Variants in FHL2 observed in about 807,000 individuals in gnomAD.
The protein encoded by FHL2 is four and a half LIM domains 2.
FHL2 carries 20 observed loss-of-function variants against 32.7 expected under a neutral mutation model. The ratio of observed to expected loss-of-function variants is 0.61; its 90% CI spans 0.43 to 0.89. FHL2 has a LOEUF of 0.89. Among genes scored for constraint, FHL2 ranks in the 40% least tolerant of loss-of-function variants. FHL2 has a pLI of 0.00. For missense variants in FHL2, 311 were observed against 358.6 expected (o/e 0.87, Z 1.07); for synonymous variants, 123 against 128.1 (o/e 0.96, Z 0.27).
chr2:105,427,837 C>T (rs1197637033), intron 1 of FHL2, among the ~76,000 whole-genome samples: 1 of 152,174 alleles, frequency 6.6e-6, no homozygotes, highest in Non-Finnish European at 1.5e-5. Context: ...CGAGAACCAG[C>T]AGTTACACCT....
upstream of FHL2, chr2:105,399,445 CT>C: frequency 6.5e-7 from 1 of 1,536,198 alleles, no homozygotes; most frequent in Non-Finnish European, 8.7e-7. Flanking sequence ...GAGGGGGTCA[CT>C]TCTCAGGAGG....
intron 1 of FHL2, among the ~76,000 whole-genome samples, chr2:105,405,557 G>A (rs1283940327): frequency 1.3e-5 from 2 of 152,306 alleles, no homozygotes; most frequent in Non-Finnish European, 2.9e-5. Context: ...GATTACAGGC[G>A]TGAGCCACCA....
At chr2:105,405,378 G>A (rs1485154900) in intron 1 of FHL2, among the ~76,000 whole-genome samples, 1 of 152,026 alleles carries the variant, frequency 6.6e-6, no homozygotes, top group African/African-American at 2.4e-5. Flanking sequence ...TTCTGAAATG[G>A]GGGAGTCTCA....
intron 1 of FHL2, among the ~76,000 whole-genome samples, chr2:105,428,761 C>T (rs34651515): frequency 0.04 from 6,079 of 152,258 alleles, 187 homozygotes; most frequent in East Asian, 0.14. Context: ...TGAGCTAGGC[C>T]GCCTCAGCTC....
intron 1 of FHL2, among the ~76,000 whole-genome samples, chr2:105,425,004 A>G: frequency 6.6e-6 from 1 of 151,996 alleles, no homozygotes; most frequent in East Asian, 1.9e-4. Context: ...CATGTACCCC[A>G]GAACTTAAAG....
chr2:105,368,214 C>T (rs1680776490), intron 4 of FHL2, among the ~76,000 whole-genome samples: 1 of 152,306 alleles, frequency 6.6e-6, no homozygotes, highest in East Asian at 1.9e-4. Flanking sequence ...GAACCTCGAA[C>T]CTGATTCAGT....
At chr2:105,375,978 T>G (rs780962628) in intron 3 of FHL2, 4 of 152,194 alleles carry the variant, frequency 2.6e-5, no homozygotes, top group Non-Finnish European at 5.9e-5. Context: ...TCTACACATG[T>G]GAACTCATGA....
chr2:105,405,194 C>T (rs1338071334), intron 1 of FHL2, among the ~76,000 whole-genome samples: 3 of 152,324 alleles, frequency 2.0e-5, no homozygotes, highest in African/African-American at 7.2e-5. Context: ...AATCCATTCA[C>T]TTCTCTGCCT....
intron 5 of FHL2, among the ~76,000 whole-genome samples, chr2:105,363,920 G>A (rs533676792): frequency 3.9e-5 from 6 of 152,208 alleles, no homozygotes; most frequent in African/African-American, 1.4e-4. Context: ...CATCCAGGAA[G>A]TGAGGGTGAT....
intron 1 of FHL2, among the ~76,000 whole-genome samples, chr2:105,436,980 C>CTTT (rs1449065331): frequency 1.3e-5 from 2 of 151,960 alleles, no homozygotes; most frequent in Non-Finnish European, 2.9e-5. Context: ...GGTCCCTGTG[C>CTTT]TTTAGGTCAT....
intron 1 of FHL2, among the ~76,000 whole-genome samples, chr2:105,407,391 CAAAA>C (rs35638962): frequency 6.4e-5 from 5 of 78,474 alleles, no homozygotes; most frequent in Non-Finnish European, 5.1e-5. Context: ...GACTCTGTCT[CAAAA>C]AAAAAAAAAA....
intron 1 of FHL2, among the ~76,000 whole-genome samples, chr2:105,423,763 A>C (rs1976781): frequency 0.95 from 144,255 of 152,212 alleles, 68,408 homozygotes; most frequent in East Asian, 1. Context: ...CTGACAAACA[A>C]CAGAAATAGG....
chr2:105,373,795 T>C (rs1177245635), intron 3 of FHL2, 62 bp from the exon 4 acceptor site: 4 of 1,568,930 alleles, frequency 2.5e-6, no homozygotes, highest in Non-Finnish European at 1.7e-6. Context: ...ACCCACAGCA[T>C]AGGGGCCCCT....
Position 105,432,465 on chromosome 2 carries a change from G to C in FHL2, c.-25+5934C>G, listed in dbSNP as rs968368526. 1.1e-4 allele frequency among the ~76,000 whole-genome samples: 16 copies of C among 152,210 alleles called. 1 individual carries two copies. The highest frequency in any genetic ancestry group is 3.9e-4 in the African/African-American group (16 of 41,454). The stretch of plus-strand genomic sequence containing the variant: ...TCAATGTAAATAAAGTTGAAGGAAA[G>C]AGACTATCCTCTCTCACCTGCTTTT... On this transcript the variant is annotated intron_variant, in intron 1 of 5. Transcript: ENST00000393352.
At chr2:105,412,753 C>T (rs1001080980) in intron 1 of FHL2, among the ~76,000 whole-genome samples, 8 of 152,072 alleles carry the variant, frequency 5.3e-5, no homozygotes, top group Non-Finnish European at 1.0e-4. Flanking sequence ...GAGCCAGAGG[C>T]GGGGGCAGTG....
At chr2:105,367,121 G>A (rs1680692285) in intron 5 of FHL2, among the ~76,000 whole-genome samples, 1 of 152,152 alleles carries the variant, frequency 6.6e-6, no homozygotes, top group African/African-American at 2.4e-5. Context: ...CATGGAGGCA[G>A]ACTTTTCTCC....
In FHL2 at chr2:105,396,709, A is replaced by G. The variant is rs752497123; in HGVS notation, c.-75-12T>C. Reference sequence around the variant, plus strand: ...ACAGTTCTCAGCCACTAGAGAAAGCACACGTGTTTTGTTTCAGATGGTCAT... The same window carrying G: ...ACAGTTCTCAGCCACTAGAGAAAGCGCACGTGTTTTGTTTCAGATGGTCAT... On this transcript the variant is annotated splice_polypyrimidine_tract_variant and intron_variant, in intron 1 of 6. Coordinates refer to ENST00000530340, the MANE Select transcript of FHL2 (RefSeq NM_001318895.3). 1 of 1,612,456 alleles carries G rather than the reference A, an allele frequency of 6.2e-7. No homozygotes were observed. The highest frequency in any genetic ancestry group is 8.5e-7 in the Non-Finnish European group (1 of 1,179,722).
At chr2:105,420,976 A>ACC (rs1425580358) in intron 1 of FHL2, among the ~76,000 whole-genome samples, 1 of 152,166 alleles carries the variant, frequency 6.6e-6, no homozygotes, top group African/African-American at 2.4e-5. Context: ...AACTAGTGGG[A>ACC]CAAGTTTTAG....
intron 1 of FHL2, among the ~76,000 whole-genome samples, chr2:105,429,485 A>T (rs994246957): frequency 1.3e-5 from 2 of 152,176 alleles, no homozygotes; most frequent in Non-Finnish European, 1.5e-5. Context: ...TGAAGATGCT[A>T]TGCTCTGGGC....
Sources: gnomAD v4.1 joint callset for allele counts (sites outside exome capture counted in the v4.1 genomes callset) on GRCh38, gnomAD v4.1.1 for gene constraint, MANE v1.5 for transcripts, NCBI Gene and HGNC (gene_info 2026-07-23, HGNC 2026-07-21) for gene names.